The following ELOVL7 variants were observed in gnomAD, a reference collection of about 807,000 sequenced individuals.
The protein encoded by ELOVL7 is ELOVL fatty acid elongase 7, also known as very long chain fatty acid elongase 7.
Under a neutral mutation model 35.7 loss-of-function variants are expected in ELOVL7, and 27 were observed. That is an observed-to-expected ratio of 0.76 (90% confidence interval 0.56 to 1.04). ELOVL7 has a LOEUF of 1.04. Ranked by LOEUF, ELOVL7 falls within the 50% of genes least tolerant of loss-of-function variation. ELOVL7 has a pLI of 0.00. For missense variants in ELOVL7, 327 were observed against 340.8 expected (o/e 0.96, Z 0.32); for synonymous variants, 113 against 114.6 (o/e 0.99, Z 0.09).
In ELOVL7 at chr5:60,814,182, A is replaced by C. The variant is rs77979376; in HGVS notation, c.-85-14952T>G. 7.6e-3 allele frequency among the ~76,000 whole-genome samples: 1,151 copies of C among 152,314 alleles called. 14 individuals carry two copies. The highest frequency in any genetic ancestry group is 0.026 in the African/African-American group (1,085 of 41,562). ...TTGCAAAAAGAAAGCTGTCTTGATT[A>C]AAGTTTTAAAAATCGGTGGTTCTGA... is the stretch of plus-strand genomic sequence containing the variant. On this transcript the variant is annotated intron_variant, in intron 1 of 8. Transcript: ENST00000508821.
chr5:60,760,577 C>T (rs945847797), intron 7 of ELOVL7, among the ~76,000 whole-genome samples: 1 of 152,140 alleles, frequency 6.6e-6, no homozygotes, highest in Non-Finnish European at 1.5e-5. Flanking sequence ...TATTTTCTCC[C>T]ATTTTGTAGG....
intron 1 of ELOVL7, among the ~76,000 whole-genome samples, chr5:60,817,975 A>C (rs1745630422): frequency 6.6e-6 from 1 of 151,764 alleles, no homozygotes; most frequent in African/African-American, 2.4e-5. Flanking sequence ...TTGTTTAAAA[A>C]AACTGGTATA....
chr5:60,756,544 A>G (rs1052087072), intron 8 of ELOVL7, among the ~76,000 whole-genome samples: 1 of 152,198 alleles, frequency 6.6e-6, no homozygotes, highest in African/African-American at 2.4e-5. Flanking sequence ...TATCCTTATG[A>G]TTGGTCATTT....
At chr5:60,766,778 T>C in intron 5 of ELOVL7, 148 bp from the exon 6 acceptor site, 1 of 624,890 alleles carries the variant, frequency 1.6e-6, no homozygotes, top group Non-Finnish European at 2.7e-6. Context: ...ACCTTCACAC[T>C]GTTGTTCAAC....
intron 3 of ELOVL7, among the ~76,000 whole-genome samples, chr5:60,773,587 C>T (rs934039192): frequency 6.6e-6 from 1 of 152,078 alleles, no homozygotes. Flanking sequence ...GCCAAAGAGT[C>T]AAGAGTCAGC....
chr5:60,823,290 T>C (rs757110271), intron 1 of ELOVL7, among the ~76,000 whole-genome samples: 2 of 151,112 alleles, frequency 1.3e-5, no homozygotes, highest in Non-Finnish European at 2.9e-5. Context: ...GGGCGTGAAA[T>C]AGATGAGTTA....
At position 60,754,035 on chromosome 5, in the gene ELOVL7, C is replaced by T. The variant is rs1741388555; in HGVS notation, c.*589G>A. The T allele has an allele frequency of 6.6e-6, 1 of 152,424 alleles. No individual in the cohort carries two copies. The highest frequency in any genetic ancestry group is 1.5e-5 in the Non-Finnish European group (1 of 68,214). The allele number at this position is 152,424 out of a possible 1,614,324, so 9.4% of individuals were successfully genotyped here. On this transcript the variant is annotated 3_prime_UTR_variant, in exon 9 of 9. Coordinates refer to ENST00000508821, the MANE Select transcript of ELOVL7 (RefSeq NM_024930.3). ...TTATCAGCAAAACTGGTGATGGCTA[C>T]TGAAAAGATCCATTGAAAATTATCA...
chr5:60,792,538 C>A (rs557951471), intron 2 of ELOVL7, among the ~76,000 whole-genome samples: 139 of 152,290 alleles, frequency 9.1e-4, no homozygotes, highest in African/African-American at 3.2e-3. Context: ...CATGACTCAT[C>A]ATGGGCACTT....
chr5:60,783,404 C>T (rs60258111), intron 3 of ELOVL7, among the ~76,000 whole-genome samples: 3,246 of 152,264 alleles, frequency 0.021, 37 homozygotes, highest in Middle Eastern at 0.082. Flanking sequence ...CCCATGACTC[C>T]GGCCATTGTT....
intron 5 of ELOVL7, among the ~76,000 whole-genome samples, chr5:60,767,302 C>A (rs1002881892): frequency 1.3e-5 from 2 of 152,058 alleles, no homozygotes; most frequent in Admixed American, 1.3e-4. Context: ...CCGTGTTGCC[C>A]GGGCTGGTCT....
chr5:60,818,834 C>T (rs1048949887), intron 1 of ELOVL7, among the ~76,000 whole-genome samples: 1 of 150,618 alleles, frequency 6.6e-6, no homozygotes, highest in African/African-American at 2.4e-5. Context: ...GGTGAAACCC[C>T]GTCTCTACTA....
intron 7 of ELOVL7, 27 bp downstream of exon 7, chr5:60,764,200 A>C: frequency 1.4e-6 from 2 of 1,477,368 alleles, no homozygotes; most frequent in Non-Finnish European, 1.9e-6. Context: ...TGTTTATAAC[A>C]CATGATCCCA....
chr5:60,801,547 T>C (rs1458087551), intron 1 of ELOVL7, among the ~76,000 whole-genome samples: 2 of 151,272 alleles, frequency 1.3e-5, no homozygotes, highest in African/African-American at 4.9e-5. Flanking sequence ...ACAAAAAAAT[T>C]AAAAAATTAG....
chr5:60,800,050 A>C (rs1744506354), intron 1 of ELOVL7, among the ~76,000 whole-genome samples: 1 of 146,390 alleles, frequency 6.8e-6, no homozygotes, highest in African/African-American at 2.5e-5. Context: ...AAAAAAAAAA[A>C]AAAAGTATAA....
In ELOVL7 at chr5:60,785,608, C is replaced by T. The variant is rs372827661; in HGVS notation, c.64+1726G>A. Among the ~76,000 whole-genome samples the T allele has an allele frequency of 2.0e-5, 3 of 152,076 alleles. No individual in the cohort carries two copies. In the East Asian group the frequency reaches 5.8e-4, roughly 29 times the overall value. Reference sequence around the variant, plus strand: ...CTGAGAGTTCATGTAGCAAGGCACACCTCTCCTTGAAAAGCAATGAAAATA... The same window carrying T: ...CTGAGAGTTCATGTAGCAAGGCACATCTCTCCTTGAAAAGCAATGAAAATA... On this transcript the variant is annotated intron_variant, in intron 3 of 8. Coordinates refer to ENST00000508821, the MANE Select transcript of ELOVL7 (RefSeq NM_024930.3).
At chr5:60,763,047 G>A (rs569373165) in intron 7 of ELOVL7, among the ~76,000 whole-genome samples, 2 of 152,298 alleles carry the variant, frequency 1.3e-5, no homozygotes, top group East Asian at 3.9e-4. Flanking sequence ...CTGTTGATTT[G>A]ACAAATGGAC....
In ELOVL7 at chr5:60,844,202, G is replaced by C. The variant is rs1044855161; in HGVS notation, c.-128C>G. On this transcript the variant is annotated 5_prime_UTR_variant, in exon 1 of 9. Coordinates refer to ENST00000508821, the MANE Select transcript of ELOVL7 (RefSeq NM_024930.3). ...CGAAGCGCCGGGCGCGCGCGGGAGA[G>C]AGGGCGGCGACTGGCAGCGCGAGCG... The C allele has an allele frequency of 2.0e-5, 3 of 152,220 alleles. No homozygotes were observed. The highest frequency in any genetic ancestry group is 7.2e-5 in the African/African-American group (3 of 41,430). The allele number at this position is 152,220 out of a possible 1,614,324, so 9.4% of individuals were successfully genotyped here. A position where few individuals can be genotyped will look rare whatever the true frequency, so the allele number is the denominator to read the frequency against.
chr5:60,819,460 AG>A (rs1745758849), intron 1 of ELOVL7, among the ~76,000 whole-genome samples: 1 of 152,054 alleles, frequency 6.6e-6, no homozygotes, highest in South Asian at 2.1e-4. Flanking sequence ...TACAAATGAG[AG>A]GTGCTAGAAT....
At chr5:60,762,927 G>A (rs1210254870) in intron 7 of ELOVL7, among the ~76,000 whole-genome samples, 1 of 152,088 alleles carries the variant, frequency 6.6e-6, no homozygotes, top group Non-Finnish European at 1.5e-5. Context: ...ACACCAATAA[G>A]TGTCAATGTA....
Sources: gnomAD v4.1 joint callset for allele counts (sites outside exome capture counted in the v4.1 genomes callset) on GRCh38, gnomAD v4.1.1 for gene constraint, MANE v1.5 for transcripts, NCBI Gene and HGNC (gene_info 2026-07-23, HGNC 2026-07-21) for gene names.